Variants in FOCAD observed in about 807,000 individuals in gnomAD.
The protein encoded by FOCAD is KIAA1797.
FOCAD carries 198 observed loss-of-function variants against 225.6 expected under a neutral mutation model. The ratio of observed to expected loss-of-function variants is 0.88; its 90% CI spans 0.78 to 0.99. FOCAD has a LOEUF of 0.99. Ranked by LOEUF, FOCAD falls within the 50% of genes least tolerant of loss-of-function variation. The pLI is 0.00. For missense variants in FOCAD, 2,713 were observed against 2,123.6 expected, an observed-to-expected ratio of 1.28 and a Z score of -5.46; for synonymous variants, 897 against 755.0, an observed-to-expected ratio of 1.19 and a Z score of -3.08.
At chr9:20,907,330 T>A in intron 22 of FOCAD, 88 bp downstream of exon 22, 2 of 1,085,680 alleles carry the variant, frequency 1.8e-6, no homozygotes, top group Non-Finnish European at 1.4e-6. Flanking sequence ...ATAAAAGCAC[T>A]TGGGAAAATA....
intron 7 of FOCAD, among the ~76,000 whole-genome samples, chr9:20,768,159 G>A (rs7855361): frequency 0.013 from 1,911 of 148,198 alleles, 51 homozygotes; most frequent in African/African-American, 0.045. Context: ...TATTTCTGAG[G>A]GCTCTGTTCT....
At chr9:20,757,914 T>C (rs574343347) in intron 5 of FOCAD, among the ~76,000 whole-genome samples, 176 bp from the exon 6 acceptor site, 2 of 151,808 alleles carry the variant, frequency 1.3e-5, no homozygotes, top group East Asian at 3.9e-4. Flanking sequence ...GGGGGGAGAG[T>C]CAGTTCTGAT....
chr9:20,766,651 T>C (rs1830075309), intron 7 of FOCAD, among the ~76,000 whole-genome samples: 1 of 151,944 alleles, frequency 6.6e-6, no homozygotes, highest in East Asian at 1.9e-4. Context: ...CTTCCTTTCC[T>C]CCTCACCTCC....
At chr9:20,880,173 A>T (rs1421868296) in intron 19 of FOCAD, among the ~76,000 whole-genome samples, 3 of 152,118 alleles carry the variant, frequency 2.0e-5, no homozygotes, top group Non-Finnish European at 4.4e-5. Flanking sequence ...ATACATTCAG[A>T]TTGAGTAATT....
At chr9:20,928,224 C>T (rs145519222) in intron 26 of FOCAD, among the ~76,000 whole-genome samples, 236 of 152,214 alleles carry the variant, frequency 1.6e-3, no homozygotes, top group African/African-American at 5.5e-3. Flanking sequence ...CTCTGATTGT[C>T]TCTTACCTTT....
intron 6 of FOCAD, among the ~76,000 whole-genome samples, chr9:20,759,073 C>T (rs1323175460): frequency 6.6e-6 from 1 of 152,058 alleles, no homozygotes; most frequent in East Asian, 1.9e-4. Flanking sequence ...ATATGAAGGA[C>T]CTCTTCAAGG....
At chr9:20,760,617 C>T (rs563447355) in intron 6 of FOCAD, among the ~76,000 whole-genome samples, 4 of 152,052 alleles carry the variant, frequency 2.6e-5, no homozygotes, top group African/African-American at 9.7e-5. Context: ...TCTGTTTAGG[C>T]ATTTTTTTTG....
rs773950819 is a variant in FOCAD at position 20,881,996 on chromosome 9, A to T, written c.2443A>T (p.Asn815Tyr). The change falls in exon 20 of 44, where the codon AAT becomes TAT. Residue 815 changes from asparagine (N) to tyrosine (Y), a missense_variant. Asn to Tyr is a moderately radical substitution (Grantham distance 143). Coordinates refer to ENST00000338382, the MANE Select transcript of FOCAD (RefSeq NM_001375567.1). Reference sequence around the variant, plus strand: ...AGGAAAGACTGTAGCAGGAATCCCCAATTTTATATTGAAAATGTATGAAAC... The same window carrying T: ...AGGAAAGACTGTAGCAGGAATCCCCTATTTTATATTGAAAATGTATGAAAC... The part of the protein sequence containing the change: ...DQGKTVAGIP[N>Y]FILKMYETNK... 23 of 1,613,864 alleles carry T rather than the reference A, an allele frequency of 1.4e-5. No individual in the cohort carries two copies. Among genetic ancestry groups the T allele is most frequent in the Non-Finnish European group, 1.9e-5 (23 of 1,179,888 alleles).
chr9:20,951,289 A>G (rs1837664736), intron 34 of FOCAD, among the ~76,000 whole-genome samples, 191 bp downstream of exon 34: 1 of 152,164 alleles, frequency 6.6e-6, no homozygotes, highest in Admixed American at 6.5e-5. Flanking sequence ...ACAGTAAGTG[A>G]TGGACATGTG....
chr9:20,715,571 T>G (rs1047483596), intron 2 of FOCAD, among the ~76,000 whole-genome samples, 161 bp downstream of exon 2: 6 of 152,092 alleles, frequency 3.9e-5, no homozygotes, highest in Non-Finnish European at 4.4e-5. Flanking sequence ...AAAATATATA[T>G]TTGACATGGA....
chr9:20,804,125 A>G (rs1421913203), intron 11 of FOCAD, among the ~76,000 whole-genome samples: 1 of 152,052 alleles, frequency 6.6e-6, no homozygotes, highest in Non-Finnish European at 1.5e-5. Context: ...TCCACTTTAA[A>G]TTTTTTTTGT....
intron 11 of FOCAD, among the ~76,000 whole-genome samples, chr9:20,813,026 C>T (rs1337674514): frequency 1.3e-5 from 2 of 152,076 alleles, no homozygotes; most frequent in Non-Finnish European, 2.9e-5. Flanking sequence ...CTCCCCACTT[C>T]TCCCTCCCCA....
At chr9:20,799,926 C>T (rs1245518757) in intron 11 of FOCAD, among the ~76,000 whole-genome samples, 1 of 152,078 alleles carries the variant, frequency 6.6e-6, no homozygotes, top group Admixed American at 6.5e-5. Context: ...TTAGTTGATG[C>T]AGTTTCTTCC....
At chr9:20,681,225 A>G (rs72701969), upstream of FOCAD, among the ~76,000 whole-genome samples, 1,022 of 152,332 alleles carry the variant, frequency 6.7e-3, 7 homozygotes, top group Non-Finnish European at 0.011. Flanking sequence ...CCCAACAAGT[A>G]TAACCTATTA....
chr9:20,858,946 A>G (rs192712349), intron 15 of FOCAD, among the ~76,000 whole-genome samples: 3 of 152,308 alleles, frequency 2.0e-5, no homozygotes, highest in Admixed American at 6.5e-5. Flanking sequence ...GTCAGGAAAG[A>G]TACTTGATAT....
chr9:20,871,977 C>A (rs1388173406), intron 18 of FOCAD, among the ~76,000 whole-genome samples: 2 of 149,146 alleles, frequency 1.3e-5, no homozygotes, highest in Non-Finnish European at 3.0e-5. Context: ...TTTAATGGAA[C>A]CAAAATGTAA....
chr9:20,925,225 A>T (rs1834827117), intron 25 of FOCAD, among the ~76,000 whole-genome samples: 1 of 152,222 alleles, frequency 6.6e-6, no homozygotes, highest in Non-Finnish European at 1.5e-5. Flanking sequence ...AGAGCCATGG[A>T]ATATTTTAGC....
chr9:20,720,677 T>C (rs1366593470), intron 4 of FOCAD, 143 bp downstream of exon 4: 14 of 787,534 alleles, frequency 1.8e-5, no homozygotes, highest in Non-Finnish European at 2.8e-5. Context: ...CTGTTTCATA[T>C]ATGAAAATAT....
intron 35 of FOCAD, among the ~76,000 whole-genome samples, chr9:20,976,013 G>A (rs1840199945): frequency 6.6e-6 from 1 of 152,088 alleles, no homozygotes; most frequent in South Asian, 2.1e-4. Context: ...CTGTAGGGTA[G>A]TGACTATAGT....
Sources: gnomAD v4.1 joint callset for allele counts (sites outside exome capture counted in the v4.1 genomes callset) on GRCh38, gnomAD v4.1.1 for gene constraint, MANE v1.5 for transcripts, NCBI Gene and HGNC (gene_info 2026-07-23, HGNC 2026-07-21) for gene names.